The following EHBP1 variants were observed in gnomAD, a reference collection of about 807,000 sequenced individuals.
EHBP1 encodes EH domain binding protein 1.
EHBP1 carries 55 observed loss-of-function variants against 144.0 expected under a neutral mutation model. The ratio of observed to expected loss-of-function variants is 0.38; its 90% CI spans 0.31 to 0.48. EHBP1 has a LOEUF of 0.48. EHBP1 is among the 20% of genes least tolerant of loss of function. The pLI is 0.98. For synonymous variants in EHBP1, 469 were observed against 472.7 expected, an observed-to-expected ratio of 0.99 and a Z score of 0.10; for missense variants, 1,200 against 1,364.2, an observed-to-expected ratio of 0.88 and a Z score of 1.90.
intron 1 of EHBP1, among the ~76,000 whole-genome samples, chr2:62,695,862 G>GCTCA (rs2034069275): frequency 6.6e-6 from 1 of 151,560 alleles, no homozygotes; most frequent in South Asian, 2.1e-4. Flanking sequence ...ACAGGCGTGT[G>GCTCA]CCACCGCACC....
intron 15 of EHBP1, among the ~76,000 whole-genome samples, chr2:62,982,071 A>G (rs1361958070): frequency 1.3e-5 from 2 of 152,158 alleles, no homozygotes; most frequent in South Asian, 2.1e-4. Context: ...TACGGAATAG[A>G]CTAGGTCTCC....
intron 10 of EHBP1, among the ~76,000 whole-genome samples, chr2:62,938,073 AG>A (rs2056502283): frequency 6.6e-6 from 1 of 152,222 alleles, no homozygotes; most frequent in Non-Finnish European, 1.5e-5. Flanking sequence ...AAGAATTCAA[AG>A]GTGATTCTGA....
intron 10 of EHBP1, among the ~76,000 whole-genome samples, chr2:62,937,087 T>G (rs2056434602): frequency 6.6e-6 from 1 of 152,208 alleles, no homozygotes; most frequent in African/African-American, 2.4e-5. Flanking sequence ...GTTGAAATTG[T>G]TTGGGTTAAT....
chr2:62,865,290 T>C lies in EHBP1; in HGVS notation c.998+319T>C, dbSNP rs531904563. ...TTTTTGGTTTTTTTTTCCATCAAAC[T>C]CTGTAGACATTAAACTTCAGTTATC... On this transcript the variant is annotated intron_variant, in intron 9 of 22. Transcript: ENST00000431489. 4.6e-5 allele frequency among the ~76,000 whole-genome samples: 7 copies of C among 152,320 alleles called. No homozygotes were observed. The East Asian group carries it at 1.3e-3, about 29-fold the overall frequency.
intron 2 of EHBP1, among the ~76,000 whole-genome samples, chr2:62,728,714 A>T (rs1176586139): frequency 1.3e-5 from 2 of 151,964 alleles, no homozygotes; most frequent in Non-Finnish European, 2.9e-5. Context: ...TGGTGTTTTT[A>T]AAAAAGGGCT....
At chr2:62,729,537 AATATATATT>A (rs2037271318) in intron 2 of EHBP1, among the ~76,000 whole-genome samples, 1 of 121,460 alleles carries the variant, frequency 8.2e-6, no homozygotes, top group Non-Finnish European at 1.6e-5. Flanking sequence ...TAATATATAT[AATATATATT>A]ATATATAATA....
chr2:62,888,619 A>G (rs1033197893), intron 10 of EHBP1, among the ~76,000 whole-genome samples: 1 of 152,224 alleles, frequency 6.6e-6, no homozygotes, highest in African/African-American at 2.4e-5. Context: ...ACAATAAAGA[A>G]TGGCTCACAA....
intron 3 of EHBP1, among the ~76,000 whole-genome samples, chr2:62,756,484 T>G (rs2040292022): frequency 6.6e-6 from 1 of 152,164 alleles, no homozygotes; most frequent in African/African-American, 2.4e-5. Context: ...AAATGCTGTT[T>G]TAGGCTGCGC....
At chr2:62,819,963 C>T (rs1287598607) in intron 5 of EHBP1, among the ~76,000 whole-genome samples, 1 of 151,584 alleles carries the variant, frequency 6.6e-6, no homozygotes, top group African/African-American at 2.4e-5. Flanking sequence ...ATAATCCCAG[C>T]ACTTTGGGAG....
At chr2:62,772,657 C>A (rs75180877) in intron 5 of EHBP1, among the ~76,000 whole-genome samples, 1,642 of 152,302 alleles carry the variant, frequency 0.011, 8 homozygotes, top group Non-Finnish European at 0.017. Flanking sequence ...CTCAGTCATA[C>A]AATTATAGGG....
At chr2:62,820,745 T>C (rs2045911402) in intron 5 of EHBP1, among the ~76,000 whole-genome samples, 1 of 80,246 alleles carries the variant, frequency 1.2e-5, no homozygotes, top group South Asian at 4.1e-4. Context: ...ATAATATATA[T>C]ATATATATAT....
chr2:62,685,025 G>A (rs1386734380), intron 1 of EHBP1, among the ~76,000 whole-genome samples: 1 of 152,074 alleles, frequency 6.6e-6, no homozygotes, highest in African/African-American at 2.4e-5. Context: ...GGTGCTAGGG[G>A]GAATGGGGAG....
At chr2:62,709,874 C>T (rs769755035) in intron 2 of EHBP1, among the ~76,000 whole-genome samples, 2 of 151,974 alleles carry the variant, frequency 1.3e-5, no homozygotes, top group Non-Finnish European at 2.9e-5. Context: ...GGAACAAAAA[C>T]GAGAATGTCT....
At chr2:62,884,493 G>T (rs1008604860) in intron 10 of EHBP1, among the ~76,000 whole-genome samples, 1 of 152,154 alleles carries the variant, frequency 6.6e-6, no homozygotes, top group Non-Finnish European at 1.5e-5. Flanking sequence ...AGGTATGGAC[G>T]CTTGGCAGGA....
chr2:62,951,639 C>T (rs2057399632), intron 13 of EHBP1, among the ~76,000 whole-genome samples: 3 of 151,314 alleles, frequency 2.0e-5, no homozygotes. Context: ...ATTCTCCTGC[C>T]TCAGCCTCCC....
intron 2 of EHBP1, among the ~76,000 whole-genome samples, chr2:62,745,107 C>T (rs940380464): frequency 1.3e-5 from 2 of 151,996 alleles, no homozygotes; most frequent in African/African-American, 2.4e-5. Flanking sequence ...TCAGTTGGAC[C>T]TCATCAATTA....
intron 7 of EHBP1, among the ~76,000 whole-genome samples, chr2:62,831,731 A>G (rs992383465): frequency 6.6e-6 from 1 of 152,218 alleles, no homozygotes; most frequent in Non-Finnish European, 1.5e-5. Context: ...CACTTAAGCA[A>G]TTGATGTCAT....
chr2:62,704,533 G>C (rs1294988685), upstream of EHBP1, among the ~76,000 whole-genome samples: 1 of 152,176 alleles, frequency 6.6e-6, no homozygotes, highest in Non-Finnish European at 1.5e-5. Flanking sequence ...CTTGTTTCCA[G>C]AACCCATCCC....
At chr2:62,919,095 A>C (rs1168643045) in intron 10 of EHBP1, among the ~76,000 whole-genome samples, 2 of 152,206 alleles carry the variant, frequency 1.3e-5, no homozygotes, top group African/African-American at 4.8e-5. Flanking sequence ...GAGCTTGTAG[A>C]AGCCAAGGTG....
Sources: allele counts gnomAD v4.1 joint callset (sites outside exome capture counted in the v4.1 genomes callset), GRCh38; gene constraint gnomAD v4.1.1; transcripts MANE v1.5; gene names NCBI Gene and HGNC (gene_info 2026-07-23, HGNC 2026-07-21).